CDH4: variants seen among roughly 807,000 people sequenced by gnomAD.
The protein encoded by CDH4 is cadherin-4.
A neutral mutation model predicts 86.0 loss-of-function variants in CDH4; 33 were observed. That is an observed-to-expected ratio of 0.38 (90% CI 0.29 to 0.51). CDH4 has a LOEUF of 0.51. Among genes scored for constraint, CDH4 ranks in the 20% least tolerant of loss-of-function variants. CDH4 has a pLI of 0.86. For missense variants in CDH4, 1,114 were observed against 1,307.4 expected, an observed-to-expected ratio of 0.85 and a Z score of 2.28; for synonymous variants, 555 against 549.4, an observed-to-expected ratio of 1.01 and a Z score of -0.14.
At chr20:61,764,268 C>T (rs6142852) in intron 3 of CDH4, among the ~76,000 whole-genome samples, 35,577 of 152,200 alleles carry the variant, frequency 0.23, 4,206 homozygotes, top group Admixed American at 0.28. Context: ...CAACATGCAC[C>T]TTGCCCGTGA....
At chr20:61,613,934 GT>G (rs1277632135) in intron 2 of CDH4, among the ~76,000 whole-genome samples, 1 of 151,998 alleles carries the variant, frequency 6.6e-6, no homozygotes, top group African/African-American at 2.4e-5. Flanking sequence ...CAGCTTAAAT[GT>G]TTGTATGTCT....
intron 2 of CDH4, among the ~76,000 whole-genome samples, chr20:61,336,137 T>C (rs749142602): frequency 2.6e-5 from 4 of 152,158 alleles, no homozygotes; most frequent in Non-Finnish European, 5.9e-5. Flanking sequence ...TTCCCCTTCT[T>C]AGAGTGCCTT....
intron 4 of CDH4, among the ~76,000 whole-genome samples, chr20:61,821,014 G>A (rs1271825891): frequency 2.6e-5 from 4 of 151,850 alleles, no homozygotes; most frequent in African/African-American, 7.3e-5. Flanking sequence ...TAGGATTTGC[G>A]GGGCAGTTCC....
intron 8 of CDH4, among the ~76,000 whole-genome samples, chr20:61,903,092 G>A (rs1404476382): frequency 4.0e-5 from 6 of 150,182 alleles, no homozygotes; most frequent in East Asian, 3.9e-4. Context: ...AGGAAACTTC[G>A]TGTGCCACGT....
intron 2 of CDH4, among the ~76,000 whole-genome samples, chr20:61,401,356 G>A (rs2085048446): frequency 6.6e-6 from 1 of 150,814 alleles, no homozygotes; most frequent in African/African-American, 2.5e-5. Context: ...GTTGTGCGTT[G>A]AACTATGCAG....
chr20:61,923,448 C>T lies in CDH4; in HGVS notation c.1375-3C>T, dbSNP rs772052815. 9 of 1,613,886 alleles carry T rather than the reference C, an allele frequency of 5.6e-6. No homozygotes were observed. The highest frequency in any genetic ancestry group is 1.7e-5 in the Admixed American group (1 of 60,012). On this transcript the variant is annotated splice_polypyrimidine_tract_variant and splice_region_variant and intron_variant, in intron 9 of 15. Coordinates refer to ENST00000614565, the MANE Select transcript of CDH4 (RefSeq NM_001794.5). ...CACTCCCAGCCCTGATCTGTTGTTC[C>T]AGGCAGTCGACTACGAGCTCAACAG... is the stretch of plus-strand genomic sequence containing the variant.
chr20:61,869,589 G>A (rs1271116516), intron 6 of CDH4, among the ~76,000 whole-genome samples: 1 of 152,180 alleles, frequency 6.6e-6, no homozygotes, highest in East Asian at 1.9e-4. Flanking sequence ...GGTCCCAAAG[G>A]TCTGTTTCCA....
In CDH4 at chr20:61,708,213, T is replaced by C. The variant is rs1238912626; in HGVS notation, c.170-35350T>C. Among the ~76,000 whole-genome samples the C allele has an allele frequency of 1.3e-5, 2 of 152,132 alleles. No individual in the cohort carries two copies. The highest frequency in any genetic ancestry group is 6.5e-5 in the Admixed American group (1 of 15,280). On this transcript the variant is annotated intron_variant, in intron 2 of 15. Transcript: ENST00000614565. The surrounding 1 kb of genome is among the most constrained non-coding windows in gnomAD (Gnocchi z 4.5). The stretch of plus-strand genomic sequence containing the variant: ...GGTGCTGCCCGCAAGTGCCTGGACC[T>C]GCACACACACACAGGGCTGAGTGTA...
chr20:61,476,101 G>A (rs1388297547), intron 2 of CDH4, among the ~76,000 whole-genome samples: 1 of 152,240 alleles, frequency 6.6e-6, no homozygotes, highest in Admixed American at 6.5e-5. Context: ...GCAGGTTAAT[G>A]AGGACACGCG....
At chr20:61,345,819 C>T (rs1172112559) in intron 2 of CDH4, among the ~76,000 whole-genome samples, 2 of 152,170 alleles carry the variant, frequency 1.3e-5, no homozygotes, top group Non-Finnish European at 2.9e-5. Context: ...GTGGACAACC[C>T]CTGCCACTGG....
At chr20:61,860,768 T>TC (rs530400816) in intron 6 of CDH4, among the ~76,000 whole-genome samples, 5 of 152,182 alleles carry the variant, frequency 3.3e-5, no homozygotes, top group African/African-American at 1.2e-4. Context: ...ACAGCTGGTT[T>TC]CCCCCTCCCG....
chr20:61,468,449 G>A (rs2085485523), intron 2 of CDH4, among the ~76,000 whole-genome samples: 2 of 151,550 alleles, frequency 1.3e-5, no homozygotes, highest in African/African-American at 2.4e-5. Context: ...ATATATTTTT[G>A]GGATACATGA....
At chr20:61,264,203 C>T (rs1286324716) in intron 2 of CDH4, among the ~76,000 whole-genome samples, 1 of 152,164 alleles carries the variant, frequency 6.6e-6, no homozygotes. Flanking sequence ...CTGGCTTCCG[C>T]ACACTAAGGA....
At chr20:61,842,741 G>T (rs753699318) in intron 4 of CDH4, among the ~76,000 whole-genome samples, 19 of 152,156 alleles carry the variant, frequency 1.2e-4, no homozygotes, top group Non-Finnish European at 1.5e-5. Context: ...AGATTTGGAA[G>T]TTTCTGTGTC....
chr20:61,866,992 G>C (rs532346960), intron 6 of CDH4, among the ~76,000 whole-genome samples: 6 of 152,326 alleles, frequency 3.9e-5, no homozygotes, highest in Non-Finnish European at 7.3e-5. Context: ...GGAAGGAGAT[G>C]ATGCCGACGG....
rs972171313 is a variant in CDH4, at chr20:61,663,948, C to T, written c.170-79615C>T. ...AGTGACACTGTCCTCTGTCCAGCAC[C>T]GGTCCACGTTGAGGTGTCTGTGTGC... On this transcript the variant is annotated intron_variant, in intron 2 of 15. Transcript: ENST00000614565. The surrounding 1 kb of genome is among the most constrained non-coding windows in gnomAD (Gnocchi z 5.0). Among the ~76,000 whole-genome samples the T allele has an allele frequency of 7.2e-5, 11 of 152,184 alleles. No homozygotes were observed. The highest frequency in any genetic ancestry group is 1.4e-4 in the African/African-American group (6 of 41,444).
At chr20:61,931,969 TC>T (rs2055116220) in intron 13 of CDH4, among the ~76,000 whole-genome samples, 1 of 152,088 alleles carries the variant, frequency 6.6e-6, no homozygotes, top group African/African-American at 2.4e-5. Context: ...GGGCTGCCCT[TC>T]TGTCCAGCGA....
chr20:61,934,144 C>T lies in CDH4; in HGVS notation c.2468C>T (p.Pro823Leu), dbSNP rs748813585. 6.2e-6 allele frequency: 10 copies of T among 1,610,356 alleles called. No individual in the cohort carries two copies. Among genetic ancestry groups the T allele is most frequent in the East Asian group, 2.2e-5 (1 of 44,830 alleles). The change falls in exon 15 of 16, where the codon CCG (proline) becomes CTG (leucine). Residue 823 changes from proline (P) to leucine (L), a missense_variant. Physicochemically the swap from Pro to Leu is moderately conservative, Grantham distance 98. Transcript: ENST00000614565. ...GGCGTGCGTCGCGTGGATGAGCGGC[C>T]GGTGGGCGCTGAGCCCCAGTACCCG... ...APGVRRVDER[P>L]VGAEPQYPIR...
chr20:61,723,032 C>T (rs774112362), intron 2 of CDH4, among the ~76,000 whole-genome samples: 15 of 152,128 alleles, frequency 9.9e-5, no homozygotes, highest in Non-Finnish European at 1.6e-4. Context: ...AGGAAGAGGA[C>T]GCTGTAGAAG....
Sources: allele counts gnomAD v4.1 joint callset (sites outside exome capture counted in the v4.1 genomes callset), GRCh38; gene constraint gnomAD v4.1.1; non-coding constraint Gnocchi (gnomAD v3.1); transcripts MANE v1.5; gene names NCBI Gene and HGNC (gene_info 2026-07-23, HGNC 2026-07-21).